Variants in RBPJ observed in about 807,000 individuals in gnomAD.
The protein encoded by RBPJ is recombination signal binding protein for immunoglobulin kappa J region.
Under a neutral mutation model 67.8 loss-of-function variants are expected in RBPJ, and 9 were observed. The observed-to-expected ratio is 0.13, with a 90% CI of 0.08 to 0.23. The LOEUF is 0.23. RBPJ is among the 10% of genes least tolerant of loss of function. RBPJ has a pLI of 1.00. For synonymous variants in RBPJ, 198 were observed against 203.3 expected (o/e 0.97, Z 0.22); for missense variants, 305 against 595.6 (o/e 0.51, Z 5.08).
intron 1 of RBPJ, among the ~76,000 whole-genome samples, chr4:26,323,762 G>A (rs1172463171): frequency 6.6e-6 from 1 of 152,064 alleles, no homozygotes; most frequent in East Asian, 1.9e-4. Flanking sequence ...TGGTTGACAG[G>A]CCATTCTTGC....
intron 2 of RBPJ, 99 bp downstream of exon 2, chr4:26,386,490 C>A: frequency 1.3e-6 from 1 of 767,774 alleles, no homozygotes. Flanking sequence ...TAAAGTCATT[C>A]AAATATTACT....
chr4:26,383,718 A>G (rs2109616373), intron 1 of RBPJ, among the ~76,000 whole-genome samples: 1 of 152,318 alleles, frequency 6.6e-6, no homozygotes. Flanking sequence ...TAATCGGTGT[A>G]AAAAATTGTT....
At chr4:26,180,758 T>C (rs1716956267) in intron 1 of RBPJ, among the ~76,000 whole-genome samples, 1 of 152,126 alleles carries the variant, frequency 6.6e-6, no homozygotes, top group African/African-American at 2.4e-5. Context: ...AAATAAAATA[T>C]AGTATGCCCT....
At chr4:26,144,136 A>G in the RBPJ span, among the ~76,000 whole-genome samples, 1 of 152,228 alleles carries the variant, frequency 6.6e-6, no homozygotes. Context: ...TGAATTTTTA[A>G]TAAAATCACT....
chr4:26,251,874 A>T (rs1337723406), intron 1 of RBPJ, among the ~76,000 whole-genome samples: 1 of 146,380 alleles, frequency 6.8e-6, no homozygotes, highest in African/African-American at 2.5e-5. Flanking sequence ...AAAAAAAAAG[A>T]AGAGGAGGAG....
intron 1 of RBPJ, among the ~76,000 whole-genome samples, chr4:26,235,159 T>C (rs1181143417): frequency 1.3e-5 from 2 of 152,194 alleles, no homozygotes; most frequent in Admixed American, 1.3e-4. Context: ...GTATCTAATA[T>C]GTATGTCAGA....
chr4:26,279,382 G>A (rs1316587731), intron 1 of RBPJ, among the ~76,000 whole-genome samples: 1 of 152,112 alleles, frequency 6.6e-6, no homozygotes, highest in East Asian at 1.9e-4. Flanking sequence ...CCAGGTTCAA[G>A]CAATTCTCCT....
At chr4:26,250,795 C>T (rs1223604571) in intron 1 of RBPJ, among the ~76,000 whole-genome samples, 1 of 152,188 alleles carries the variant, frequency 6.6e-6, no homozygotes. Context: ...GTTTTCAATT[C>T]TGATGTATTG....
At chr4:26,120,288 G>T in the RBPJ span, among the ~76,000 whole-genome samples, 1 of 152,204 alleles carries the variant, frequency 6.6e-6, no homozygotes, top group African/African-American at 2.4e-5. Flanking sequence ...CCAGATCTCC[G>T]CTGGGCAGGC....
At chr4:26,401,891 T>C (rs1376024849) in intron 2 of RBPJ, among the ~76,000 whole-genome samples, 79 of 147,038 alleles carry the variant, frequency 5.4e-4, no homozygotes, top group African/African-American at 1.3e-3. Context: ...TTCTTTCTTT[T>C]TTTTTTTTTT....
chr4:26,114,831 G>C, the RBPJ span, among the ~76,000 whole-genome samples: 1 of 152,052 alleles, frequency 6.6e-6, no homozygotes, highest in Non-Finnish European at 1.5e-5. Flanking sequence ...GCTGCTGATT[G>C]TTAAATTTTC....
chr4:26,237,066 T>C (rs1719475212), intron 1 of RBPJ, among the ~76,000 whole-genome samples: 1 of 152,092 alleles, frequency 6.6e-6, no homozygotes, highest in African/African-American at 2.4e-5. Context: ...AATGAACCCA[T>C]GAAGCAAATG....
chr4:26,170,212 T>A (rs897430759), intron 1 of RBPJ, among the ~76,000 whole-genome samples: 1 of 152,064 alleles, frequency 6.6e-6, no homozygotes, highest in Non-Finnish European at 1.5e-5. Context: ...TATTCGGCCA[T>A]CTTGGCTTCT....
At chr4:26,214,179 AAAAG>A (rs1185594840) in intron 1 of RBPJ, among the ~76,000 whole-genome samples, 4 of 149,840 alleles carry the variant, frequency 2.7e-5, no homozygotes, top group African/African-American at 4.9e-5. Context: ...AGAGAGAGAG[AAAAG>A]AAAGAAAGAA....
chr4:26,275,296 C>A (rs1162151253), intron 1 of RBPJ, among the ~76,000 whole-genome samples: 1 of 152,182 alleles, frequency 6.6e-6, no homozygotes, highest in Non-Finnish European at 1.5e-5. Flanking sequence ...GCATAAGCCC[C>A]AGATTCAAAT....
chr4:26,127,778 CAT>C, the RBPJ span, among the ~76,000 whole-genome samples: 1 of 152,170 alleles, frequency 6.6e-6, no homozygotes, highest in African/African-American at 2.4e-5. Flanking sequence ...TAGAGGGAAA[CAT>C]ATGTACACAG....
chr4:26,373,283 C>T (rs1369408118), intron 1 of RBPJ, among the ~76,000 whole-genome samples: 3 of 152,038 alleles, frequency 2.0e-5, no homozygotes, highest in African/African-American at 2.4e-5. Context: ...CTACAATGTC[C>T]TATTTTATAT....
intron 1 of RBPJ, among the ~76,000 whole-genome samples, chr4:26,237,349 CA>C (rs10710582): frequency 0.19 from 27,875 of 147,528 alleles, 2,742 homozygotes; most frequent in Non-Finnish European, 0.23. Flanking sequence ...AGATGGGTCT[CA>C]AAAAAAAAAA....
At chr4:26,383,705 A>C (rs758792221) in intron 1 of RBPJ, among the ~76,000 whole-genome samples, 7 of 152,190 alleles carry the variant, frequency 4.6e-5, no homozygotes, top group Non-Finnish European at 8.8e-5. Flanking sequence ...ACAGTGGTAC[A>C]TTTAATCGGT....
Sources: allele counts gnomAD v4.1 joint callset (sites outside exome capture counted in the v4.1 genomes callset), GRCh38; gene constraint gnomAD v4.1.1; transcripts MANE v1.5; gene names NCBI Gene and HGNC (gene_info 2026-07-23, HGNC 2026-07-21).